ATG2B: variants seen among roughly 807,000 people sequenced by gnomAD.
ATG2B encodes autophagy-related protein 2 homolog B.
In ATG2B, 121 loss-of-function variants were observed where a neutral mutation model predicts 241.3. The ratio of observed to expected loss-of-function variants is 0.50; its 90% confidence interval spans 0.43 to 0.58. The LOEUF (loss-of-function observed/expected upper bound fraction) is 0.58, where lower values mean the gene tolerates loss of function less well. Ranked by LOEUF, ATG2B falls within the 20% of genes least tolerant of loss-of-function variation. The pLI is 0.00. For synonymous variants in ATG2B, 858 were observed against 876.6 expected, an observed-to-expected ratio of 0.98 and a Z score of 0.37; for missense variants, 2,306 against 2,491.6, an observed-to-expected ratio of 0.93 and a Z score of 1.59.
chr14:96,325,569 A>G, intron 15 of ATG2B, 80 bp downstream of exon 15: 2 of 1,309,526 alleles, frequency 1.5e-6, no homozygotes, highest in South Asian at 2.9e-5. Context: ...CAGGGCTGTC[A>G]GATACTTTTG....
rs1466212101 is a variant in ATG2B at position 96,315,202 on chromosome 14, G to A, written c.3594C>T (p.Ala1198=). The A allele has an allele frequency of 6.2e-7, 1 of 1,614,008 alleles. No individual in the cohort carries two copies. The highest frequency in any genetic ancestry group is 1.3e-5 in the African/African-American group (1 of 74,932). Residue 1198 remains alanine, a synonymous_variant, in exon 23 of 42, where the codon GCC becomes GCT. Transcript: ENST00000359933. ...AAGGAAGCATTCTATGCTGGAGAGT[G>A]GCTCCTTTCAGTCCTACGGCAATGA... The part of the protein sequence containing the change: ...EFLIAVGLKG[A]TLQHRMLPSG...
At chr14:96,359,682 G>C (rs980442653) in intron 1 of ATG2B, among the ~76,000 whole-genome samples, 2 of 152,156 alleles carry the variant, frequency 1.3e-5, no homozygotes, top group South Asian at 4.1e-4. Flanking sequence ...GGGACAAGGA[G>C]TTTATGAAAT....
intron 34 of ATG2B, among the ~76,000 whole-genome samples, chr14:96,299,868 C>G (rs1447962971): frequency 6.6e-6 from 1 of 152,144 alleles, no homozygotes; most frequent in Non-Finnish European, 1.5e-5. Context: ...AAATAATACT[C>G]AAAGCATTAT....
intron 23 of ATG2B, among the ~76,000 whole-genome samples, chr14:96,313,719 T>C (rs1887228123): frequency 6.6e-6 from 1 of 152,116 alleles, no homozygotes; most frequent in Non-Finnish European, 1.5e-5. Flanking sequence ...ATAATAAAAA[T>C]AAATTTTTTA....
At chr14:96,359,200 C>T (rs1437237985) in intron 1 of ATG2B, among the ~76,000 whole-genome samples, 1 of 151,876 alleles carries the variant, frequency 6.6e-6, no homozygotes, top group Non-Finnish European at 1.5e-5. Flanking sequence ...GGCGAAATCC[C>T]GTCTCTACAA....
At position 96,351,506 on chromosome 14, in the gene ATG2B, C is replaced by T. The variant is rs565038924; in HGVS notation, c.163-4165G>A. Among the ~76,000 whole-genome samples, 9 of 152,122 alleles carry T rather than the reference C, an allele frequency of 5.9e-5. 1 individual carries two copies. The highest frequency in any genetic ancestry group is 2.2e-4 in the African/African-American group (9 of 41,504). ...ATCTCAGCACTTTGGGAGGCTGAGG[C>T]AGGCAGATTGCCTGAGGTCAGGAGT... On this transcript the variant is annotated intron_variant, in intron 1 of 41. Coordinates refer to ENST00000359933, the MANE Select transcript of ATG2B (RefSeq NM_018036.7).
chr14:96,354,010 T>C (rs757267639), intron 1 of ATG2B, among the ~76,000 whole-genome samples: 34 of 152,322 alleles, frequency 2.2e-4, no homozygotes, highest in Non-Finnish European at 4.3e-4. Flanking sequence ...AGTTATTCTC[T>C]ACAACTATTT....
At chr14:96,355,344 T>C (rs573890916) in intron 1 of ATG2B, among the ~76,000 whole-genome samples, 26 of 152,344 alleles carry the variant, frequency 1.7e-4, no homozygotes, top group African/African-American at 6.0e-4. Context: ...AGTTTCAATT[T>C]TCTGCATAGG....
chr14:96,358,389 C>T (rs118083914), intron 1 of ATG2B, among the ~76,000 whole-genome samples: 1,599 of 152,114 alleles, frequency 0.011, 12 homozygotes, highest in South Asian at 0.034. Context: ...GTGAGCTGAT[C>T]ACACCACTGT....
Position 96,331,469 on chromosome 14 carries a change from C to T in ATG2B, c.1637G>A (p.Cys546Tyr), listed in dbSNP as rs957297818. 1.2e-5 allele frequency: 20 copies of T among 1,613,976 alleles called. No homozygotes were observed. The highest frequency in any genetic ancestry group is 1.6e-5 in the Non-Finnish European group (19 of 1,179,916). The part of the protein sequence containing the change: ...LTPMAVAFFT[C>Y]IEKIDPARFS... ...TCTTGCTGGATCAATCTTTTCTATACAAGTAAAGAAAGCTACTGCCATAGG... is the reference window on the plus strand; with the variant it reads ...TCTTGCTGGATCAATCTTTTCTATATAAGTAAAGAAAGCTACTGCCATAGG... The change falls in exon 11 of 42, where the codon TGT becomes TAT. Residue 546 changes from cysteine (C) to tyrosine (Y), a missense_variant. Cys to Tyr is a radical substitution (Grantham distance 194). Transcript: ENST00000359933.
intron 1 of ATG2B, among the ~76,000 whole-genome samples, chr14:96,360,178 T>G (rs1888585969): frequency 6.6e-6 from 1 of 152,248 alleles, no homozygotes; most frequent in Non-Finnish European, 1.5e-5. Context: ...GATTTAAAGA[T>G]AAGCATTTTC....
At chr14:96,308,169 AATAT>A (rs1317954503) in intron 29 of ATG2B, among the ~76,000 whole-genome samples, 2 of 138,608 alleles carry the variant, frequency 1.4e-5, no homozygotes, top group Non-Finnish European at 3.1e-5. Context: ...CACATATATA[AATAT>A]ATATAAATAC....
Position 96,317,839 on chromosome 14 carries a change from G to A in ATG2B, c.2896C>T (p.Leu966=), listed in dbSNP as rs555951635. The stretch of plus-strand genomic sequence containing the variant: ...GAAGGAGCTGTTGGTTCCCACAGTA[G>A]CAAGTCATTAAAGATCCTATAAAGA... ...KLYNRIFNDL[L]LWEPTAPSPV... The change falls in exon 19 of 42, where the codon CTA becomes TTA. Residue 966 remains leucine (L), a synonymous_variant. Transcript: ENST00000359933. 4.1e-5 allele frequency: 66 copies of A among 1,608,432 alleles called. No homozygotes were observed. The South Asian group carries it at 7.1e-4, about 17-fold the overall frequency.
chr14:96,311,412 A>C lies in ATG2B; in HGVS notation c.3991-125T>G. 4.2e-6 allele frequency: 5 copies of C among 1,186,176 alleles called. No individual in the cohort carries two copies. The Admixed American group carries it at 1.3e-4, about 30-fold the overall frequency. The allele number at this position is 1,186,176 out of a possible 1,614,324, so 73.5% of individuals were successfully genotyped here. ...GTCTCGCTACATAAAAAAAGTATTT[A>C]AATAAATCCATTTTTAATATACTTA... On this transcript the variant is annotated intron_variant, in intron 27 of 41. Transcript: ENST00000359933.
chr14:96,322,422 G>T (rs963739424), intron 17 of ATG2B, 118 bp downstream of exon 17: 61 of 1,316,714 alleles, frequency 4.6e-5, no homozygotes, highest in Non-Finnish European at 5.7e-5. Context: ...CAATTTTGAA[G>T]TTTAAGACCT....
At chr14:96,288,262 C>T (rs1283379638) in intron 41 of ATG2B, among the ~76,000 whole-genome samples, 2 of 152,138 alleles carry the variant, frequency 1.3e-5, no homozygotes, top group Non-Finnish European at 1.5e-5. Flanking sequence ...TTAGAAATAT[C>T]GCCTATCTCT....
intron 6 of ATG2B, among the ~76,000 whole-genome samples, chr14:96,335,958 T>C (rs1010079510): frequency 1.3e-5 from 2 of 152,124 alleles, no homozygotes; most frequent in South Asian, 4.1e-4. Context: ...CTACTTTCTT[T>C]TGAAAATATA....
In ATG2B at chr14:96,331,644, T is replaced by C; in HGVS notation, c.1469-7A>G. The C allele has an allele frequency of 1.3e-6, 2 of 1,573,824 alleles. No homozygotes were observed. The highest frequency in any genetic ancestry group is 1.7e-6 in the Non-Finnish European group (2 of 1,164,130). ...ACAGATCTAGATGGGAGAGCTAAAA[T>C]ACAAGTATTAAAATTATATACATAA... is the stretch of plus-strand genomic sequence containing the variant. On this transcript the variant is annotated splice_region_variant and splice_polypyrimidine_tract_variant and intron_variant, in intron 10 of 41. Transcript: ENST00000359933.
intron 3 of ATG2B, 44 bp from the exon 4 acceptor site, chr14:96,344,800 G>A: frequency 1.2e-6 from 1 of 860,486 alleles, no homozygotes. Context: ...CCACATATAT[G>A]CTAAATAAAA....
Sources: allele counts gnomAD v4.1 joint callset (sites outside exome capture counted in the v4.1 genomes callset), GRCh38; gene constraint gnomAD v4.1.1; transcripts MANE v1.5; gene names NCBI Gene and HGNC (gene_info 2026-07-23, HGNC 2026-07-21).